The following ZNF722 variants were observed in gnomAD, a reference collection of about 807,000 sequenced individuals.
ZNF722 encodes the protein zinc finger protein 722, also known as zinc finger protein 479 pseudogene.
the ZNF722 span, chr7:64,015,075 A>G: frequency 2.4e-5 from 34 of 1,388,142 alleles, no homozygotes; most frequent in East Asian, 7.7e-4. Flanking sequence ...GCAGGGCATA[A>G]AACATTCACT....
At chr7:64,014,324 T>G in the ZNF722 span, among the ~76,000 whole-genome samples, 1 of 152,108 alleles carries the variant, frequency 6.6e-6, no homozygotes, top group Non-Finnish European at 1.5e-5. Flanking sequence ...TAAAAATTAA[T>G]ATATACATCT....
the ZNF722 span, among the ~76,000 whole-genome samples, chr7:64,003,251 CTT>C: frequency 6.6e-6 from 1 of 151,638 alleles, no homozygotes; most frequent in Non-Finnish European, 1.5e-5. Context: ...GAAAAAGAAA[CTT>C]ATATTTTAAT....
the ZNF722 span, among the ~76,000 whole-genome samples, chr7:64,002,820 T>TA: frequency 6.6e-6 from 1 of 152,320 alleles, no homozygotes; most frequent in Non-Finnish European, 1.5e-5. Flanking sequence ...CCTGTAAACT[T>TA]AAAAAAGCCA....
At chr7:64,007,246 A>ATATATATATATATATATT in the ZNF722 span, among the ~76,000 whole-genome samples, 5 of 145,614 alleles carry the variant, frequency 3.4e-5, no homozygotes, top group African/African-American at 1.3e-4. Flanking sequence ...ATATATATAT[A>ATATATATATATATATATT]TATATATATT....
chr7:64,006,166 G>A, the ZNF722 span: 1 of 941,894 alleles, frequency 1.1e-6, no homozygotes, highest in Non-Finnish European at 1.5e-6. Context: ...CATAATACTA[G>A]TTTGGTAATT....
chr7:64,009,666 G>A, the ZNF722 span, among the ~76,000 whole-genome samples: 3,979 of 152,138 alleles, frequency 0.026, 123 homozygotes, highest in South Asian at 0.11. Context: ...GAGGATTTTC[G>A]CATCGATGTT....
chr7:64,014,575 T>C, the ZNF722 span, among the ~76,000 whole-genome samples: 1 of 152,142 alleles, frequency 6.6e-6, no homozygotes, highest in Non-Finnish European at 1.5e-5. Flanking sequence ...TTGTATTTAT[T>C]TTTCAGTTAA....
chr7:64,015,696 A>G, the ZNF722 span: 4 of 1,613,814 alleles, frequency 2.5e-6, no homozygotes, highest in Admixed American at 1.7e-5. Context: ...CGTATCCTCA[A>G]CCCTCAATGA....
chr7:64,015,889 A>C, the ZNF722 span: 225 of 1,557,846 alleles, frequency 1.4e-4, no homozygotes, highest in Non-Finnish European at 2.0e-4. Flanking sequence ...AAGATAATTC[A>C]TACTGGAGAG....
the ZNF722 span, among the ~76,000 whole-genome samples, chr7:64,010,374 G>C: frequency 4.6e-5 from 7 of 152,016 alleles, no homozygotes; most frequent in Non-Finnish European, 1.0e-4. Context: ...TCTCTTGTGG[G>C]CATTTAGTAG....
the ZNF722 span, among the ~76,000 whole-genome samples, chr7:64,002,150 G>A: frequency 1.3e-5 from 2 of 152,034 alleles, 1 homozygote; most frequent in South Asian, 4.1e-4. Context: ...CAAAGTGCTG[G>A]GATTACAGGA....
chr7:64,005,465 T>G, the ZNF722 span: 1 of 519,676 alleles, frequency 1.9e-6, no homozygotes, highest in Non-Finnish European at 3.5e-6. Context: ...AAAAATTATC[T>G]TATCGAATAA....
chr7:64,006,138 T>C, the ZNF722 span: 1 of 721,754 alleles, frequency 1.4e-6, no homozygotes, highest in Non-Finnish European at 2.1e-6. Flanking sequence ...AATTTTCTAT[T>C]AAATCCTCTT....
the ZNF722 span, among the ~76,000 whole-genome samples, chr7:64,002,648 C>T: frequency 6.6e-6 from 1 of 152,146 alleles, no homozygotes; most frequent in East Asian, 1.9e-4. Context: ...TAGCAACTCC[C>T]AGAGTGCTAT....
At chr7:64,011,537 G>A in the ZNF722 span, among the ~76,000 whole-genome samples, 591 of 152,170 alleles carry the variant, frequency 3.9e-3, 2 homozygotes, top group African/African-American at 0.013. Context: ...TGAGATTCTG[G>A]GTTGAAAATT....
the ZNF722 span, chr7:63,998,851 T>G: frequency 2.4e-6 from 3 of 1,265,986 alleles, no homozygotes; most frequent in Admixed American, 2.1e-5. Flanking sequence ...TGCGGGTCCT[T>G]TTGTGCTTCT....
At chr7:63,999,851 C>T in the ZNF722 span, among the ~76,000 whole-genome samples, 2 of 151,710 alleles carry the variant, frequency 1.3e-5, no homozygotes, top group East Asian at 3.9e-4. Flanking sequence ...GAGCCCGCCA[C>T]GACCAGGCTA....
chr7:63,998,902 T>A, the ZNF722 span: 1 of 1,490,864 alleles, frequency 6.7e-7, no homozygotes, highest in South Asian at 1.1e-5. Context: ...GGGCTCTGCA[T>A]TCTCTGCTCC....
At chr7:64,009,208 C>T in the ZNF722 span, among the ~76,000 whole-genome samples, 2 of 152,194 alleles carry the variant, frequency 1.3e-5, no homozygotes, top group African/African-American at 4.8e-5. Context: ...AATTTGACTT[C>T]TTCTTTTCCT....
Sources: allele counts gnomAD v4.1 joint callset (sites outside exome capture counted in the v4.1 genomes callset), GRCh38; gene constraint gnomAD v4.1.1; transcripts MANE v1.5; gene names NCBI Gene and HGNC (gene_info 2026-07-23, HGNC 2026-07-21).